The following ZMYND8 variants were observed in gnomAD, a reference collection of about 807,000 sequenced individuals.
ZMYND8 encodes MYND-type zinc finger-containing chromatin reader ZMYND8.
ZMYND8 carries 37 observed loss-of-function variants against 140.8 expected under a neutral mutation model. That is an observed-to-expected ratio of 0.26 (90% CI 0.20 to 0.35). The LOEUF is 0.35. Among genes scored for constraint, ZMYND8 ranks in the 10% least tolerant of loss-of-function variants. ZMYND8 has a pLI of 1.00. For missense variants in ZMYND8, 1,068 were observed against 1,570.0 expected, an observed-to-expected ratio of 0.68 and a Z score of 5.40; for synonymous variants, 592 against 597.1, an observed-to-expected ratio of 0.99 and a Z score of 0.12.
At chr20:47,355,636 G>A (rs896940521) in intron 1 of ZMYND8, 1 of 327,136 alleles carries the variant, frequency 3.1e-6, no homozygotes, top group Non-Finnish European at 4.4e-6. Flanking sequence ...CCACAGACAT[G>A]ATTTTATTTC....
chr20:47,329,312 T>G (rs1195955391), intron 2 of ZMYND8, among the ~76,000 whole-genome samples: 3 of 152,220 alleles, frequency 2.0e-5, no homozygotes, highest in Non-Finnish European at 4.4e-5. Flanking sequence ...TCTCTATCAG[T>G]GCTGTCTAAT....
intron 2 of ZMYND8, among the ~76,000 whole-genome samples, chr20:47,313,448 C>G (rs1030260761): frequency 6.6e-6 from 1 of 151,522 alleles, no homozygotes; most frequent in Non-Finnish European, 1.5e-5. Flanking sequence ...TGGTGAAACC[C>G]CGTCTCTACC....
chr20:47,306,125 T>C (rs1037828029), intron 3 of ZMYND8, among the ~76,000 whole-genome samples: 1 of 152,170 alleles, frequency 6.6e-6, no homozygotes, highest in African/African-American at 2.4e-5. Flanking sequence ...CAGTGGTTCA[T>C]GCCTGTAATC....
At chr20:47,275,354 T>C (rs563174349) in intron 11 of ZMYND8, among the ~76,000 whole-genome samples, 15 of 151,934 alleles carry the variant, frequency 9.9e-5, no homozygotes, top group African/African-American at 3.6e-4. Flanking sequence ...TAGCTGGACA[T>C]AGTAGTGCGC....
chr20:47,213,203 AGGAAG>A (rs2035542405), intron 21 of ZMYND8, among the ~76,000 whole-genome samples: 1 of 152,220 alleles, frequency 6.6e-6, no homozygotes, highest in Admixed American at 6.5e-5. Flanking sequence ...AGGAGGACTA[AGGAAG>A]GGGCTCCAGA....
intron 2 of ZMYND8, among the ~76,000 whole-genome samples, chr20:47,325,289 A>G (rs978025316): frequency 1.3e-5 from 2 of 152,126 alleles, no homozygotes; most frequent in South Asian, 4.1e-4. Flanking sequence ...TGTGAGCTCA[A>G]TCTCAGCTTG....
intron 8 of ZMYND8, chr20:47,285,765 A>G: frequency 1.0e-6 from 1 of 984,884 alleles, no homozygotes; most frequent in South Asian, 4.7e-5. Flanking sequence ...ATGAATGTCC[A>G]TGTGTTGTAT....
chr20:47,340,684 G>A (rs2081784015), intron 2 of ZMYND8, among the ~76,000 whole-genome samples: 1 of 152,036 alleles, frequency 6.6e-6, no homozygotes, highest in African/African-American at 2.4e-5. Flanking sequence ...CTACTCAGGA[G>A]GCTGAGGCAG....
At chr20:47,281,773 A>C (rs1017689444) in intron 10 of ZMYND8, among the ~76,000 whole-genome samples, 6 of 152,168 alleles carry the variant, frequency 3.9e-5, no homozygotes, top group African/African-American at 4.8e-5. Context: ...ATGGAGGTTT[A>C]ATTTACTTCA....
rs569219461 is a variant in ZMYND8 at position 47,334,076 on chromosome 20, T to C, written c.85+13780A>G. 5.9e-5 allele frequency among the ~76,000 whole-genome samples: 9 copies of C among 152,322 alleles called. No homozygotes were observed. The East Asian group carries it at 9.6e-4, about 16-fold the overall frequency. ...CTTAGAGTTAGGCAAAATCATCTAA[T>C]GCGAAGCCTATTGTATAATAGTGTT... On this transcript the variant is annotated intron_variant, in intron 2 of 22. Coordinates refer to ENST00000471951, the MANE Select transcript of ZMYND8 (RefSeq NM_001281775.3).
Position 47,210,814 on chromosome 20 carries a change from T to C in ZMYND8, c.3652A>G (p.Ser1218Gly), listed in dbSNP as rs1459098306. The C allele has an allele frequency of 6.2e-7, 1 of 1,614,202 alleles. No homozygotes were observed. The highest frequency in any genetic ancestry group is 1.3e-5 in the African/African-American group (1 of 75,038). ...STRSDHNTST[S>G]TKSLLPKESR... Reference sequence around the variant, plus strand: ...TCTTTCGGGAGGAGGCTCTTCGTGCTGGTACTGGTGTTGTGATCGGAACGT... The same window carrying C: ...TCTTTCGGGAGGAGGCTCTTCGTGCCGGTACTGGTGTTGTGATCGGAACGT... The change falls in exon 23 of 23, where the codon AGC becomes GGC. Residue 1218 changes from serine (S) to glycine (G), a missense_variant. Transcript: ENST00000471951.
intron 2 of ZMYND8, among the ~76,000 whole-genome samples, chr20:47,341,831 G>GT (rs2081918224): frequency 6.6e-6 from 1 of 151,782 alleles, no homozygotes; most frequent in African/African-American, 2.4e-5. Context: ...GGGAAACCCT[G>GT]TCTCTACTAA....
chr20:47,231,146 C>CA (rs1308342992), intron 16 of ZMYND8, among the ~76,000 whole-genome samples: 2 of 152,186 alleles, frequency 1.3e-5, no homozygotes, highest in African/African-American at 4.8e-5. Context: ...AAGGTCCCTG[C>CA]AGCAGGCACC....
At chr20:47,216,518 AGGGCC>A (rs2036146287) in intron 21 of ZMYND8, among the ~76,000 whole-genome samples, 1 of 145,364 alleles carries the variant, frequency 6.9e-6, no homozygotes. Context: ...AAAAAAAAAA[AGGGCC>A]GGGCTGGGCG....
At chr20:47,306,684 C>T (rs1256063422) in intron 3 of ZMYND8, among the ~76,000 whole-genome samples, 1 of 151,434 alleles carries the variant, frequency 6.6e-6, no homozygotes, top group Non-Finnish European at 1.5e-5. Flanking sequence ...GAGTCTCTTG[C>T]CTCAACCTCC....
chr20:47,246,731 G>C (rs1364214249), intron 13 of ZMYND8, among the ~76,000 whole-genome samples: 1 of 152,178 alleles, frequency 6.6e-6, no homozygotes, highest in Non-Finnish European at 1.5e-5. Flanking sequence ...TTGGTTGTTA[G>C]GAGACACAGG....
chr20:47,255,180 CA>C (rs1201905769), intron 12 of ZMYND8, among the ~76,000 whole-genome samples: 1 of 151,974 alleles, frequency 6.6e-6, no homozygotes, highest in Non-Finnish European at 1.5e-5. Context: ...ACCTGGGAGA[CA>C]AAAACCATTC....
At chr20:47,291,435 A>T (rs2077257916) in intron 6 of ZMYND8, among the ~76,000 whole-genome samples, 1 of 152,180 alleles carries the variant, frequency 6.6e-6, no homozygotes, top group Non-Finnish European at 1.5e-5. Flanking sequence ...CAGACACTTA[A>T]TTTTCTCTTC....
At chr20:47,286,335 T>C (rs1418338235) in intron 8 of ZMYND8, among the ~76,000 whole-genome samples, 2 of 152,042 alleles carry the variant, frequency 1.3e-5, no homozygotes, top group Non-Finnish European at 2.9e-5. Context: ...TGTTCCACCA[T>C]ACCCAGCTAA....
Sources: gnomAD v4.1 joint callset for allele counts (sites outside exome capture counted in the v4.1 genomes callset) on GRCh38, gnomAD v4.1.1 for gene constraint, MANE v1.5 for transcripts, NCBI Gene and HGNC (gene_info 2026-07-23, HGNC 2026-07-21) for gene names.